Variants in TRPC5 observed in about 807,000 individuals in gnomAD.
TRPC5 encodes short transient receptor potential channel 5.
A neutral mutation model predicts 56.5 loss-of-function variants in TRPC5; 9 were observed. The observed-to-expected ratio is 0.16, with a 90% confidence interval of 0.10 to 0.28. TRPC5 has a LOEUF of 0.28. TRPC5 is among the 10% of genes least tolerant of loss of function. TRPC5 has a pLI of 1.00. For synonymous variants in TRPC5, 282 were observed against 278.5 expected (o/e 1.01, Z -0.13); for missense variants, 469 against 748.9 (o/e 0.63, Z 4.36).
intron 1 of TRPC5, among the ~76,000 whole-genome samples, chrX:112,001,450 AT>A (rs1928692715): frequency 8.9e-6 from 1 of 112,152 alleles, no homozygotes; most frequent in Non-Finnish European, 1.9e-5. Context: ...AAAACATGTT[AT>A]CTATTATTGA....
chrX:111,827,391 C>G (rs747270761), intron 7 of TRPC5, among the ~76,000 whole-genome samples: 6 of 111,182 alleles, frequency 5.4e-5, no homozygotes, highest in Non-Finnish European at 1.1e-4. Flanking sequence ...GTAGACCACC[C>G]AATGCCTCTA....
At position 111,768,855 on chromosome X, in the gene TRPC5, C is replaced by T. The variant is rs1225908303; in HGVS notation, c.*7458G>A. Among the ~76,000 whole-genome samples, 1 of 111,536 alleles carries T rather than the reference C, an allele frequency of 9.0e-6. No individual in the cohort carries two copies. ...GAATTCTGGCTGCTTCTCCTGCCCA[C>T]GTACACTAAGCACAGTTATCACTGA... is the stretch of plus-strand genomic sequence containing the variant. On this transcript the variant is annotated 3_prime_UTR_variant, in exon 11 of 11. Coordinates refer to ENST00000262839, the MANE Select transcript of TRPC5 (RefSeq NM_012471.3).
At chrX:111,998,778 G>C (rs902933947) in intron 1 of TRPC5, among the ~76,000 whole-genome samples, 3 of 111,538 alleles carry the variant, frequency 2.7e-5, no homozygotes, top group Admixed American at 1.9e-4. Context: ...TGGTACATGT[G>C]AACATACTGG....
At chrX:111,872,889 G>A (rs954057619) in intron 3 of TRPC5, among the ~76,000 whole-genome samples, 4 of 112,238 alleles carry the variant, frequency 3.6e-5, no homozygotes, top group Admixed American at 9.4e-5. Flanking sequence ...GGAGAGAAGT[G>A]AAGACACACA....
rs747139666 is a variant in TRPC5, at chrX:112,029,905, G to A, written c.-22+51974C>T. ...TGCAATGGCGCGATCTCGACTCACCGCAACCTCTGCCTCCCGGGTTCAAGC... is the reference window on the plus strand; with the variant it reads ...TGCAATGGCGCGATCTCGACTCACCACAACCTCTGCCTCCCGGGTTCAAGC... On this transcript the variant is annotated intron_variant, in intron 1 of 10. Transcript: ENST00000262839. Among the ~76,000 whole-genome samples the A allele has an allele frequency of 7.8e-3, 832 of 106,345 alleles. 5 individuals are homozygous for A. Among genetic ancestry groups the A allele is most frequent in the African/African-American group, 0.026 (767 of 28,974 alleles). The allele number at this position is 106,345 out of a possible 115,157, so 92.3% of individuals were successfully genotyped here.
At chrX:111,777,087 A>G in intron 10 of TRPC5, 85 bp from the exon 11 acceptor site, 3 of 794,583 alleles carry the variant, frequency 3.8e-6, no homozygotes, top group Non-Finnish European at 3.4e-6. Flanking sequence ...GGTATGTTCC[A>G]GGTTTTTGCC....
chrX:111,813,358 T>C (rs1351674431), intron 7 of TRPC5, among the ~76,000 whole-genome samples: 1 of 112,363 alleles, frequency 8.9e-6, no homozygotes, highest in Non-Finnish European at 1.9e-5. Context: ...TTGTTTTAGC[T>C]CCTTTCACAG....
intron 7 of TRPC5, among the ~76,000 whole-genome samples, chrX:111,813,403 C>T (rs892898978): frequency 8.9e-6 from 1 of 112,086 alleles, no homozygotes; most frequent in Admixed American, 9.5e-5. Flanking sequence ...AGAGCACACC[C>T]TCAAATGTTG....
chrX:111,839,241 G>C (rs1196319479), intron 6 of TRPC5, among the ~76,000 whole-genome samples: 3 of 111,331 alleles, frequency 2.7e-5, no homozygotes, highest in African/African-American at 9.8e-5. Flanking sequence ...CTCAGTTGAA[G>C]CCCCACCTCC....
chrX:111,965,253 C>A (rs1927527307), intron 1 of TRPC5, among the ~76,000 whole-genome samples: 1 of 111,834 alleles, frequency 8.9e-6, no homozygotes, highest in African/African-American at 3.3e-5. Flanking sequence ...GTAAAGAGAT[C>A]AATTCAACAA....
chrX:112,032,108 TAA>T (rs1368778351), intron 1 of TRPC5, among the ~76,000 whole-genome samples: 2 of 110,641 alleles, frequency 1.8e-5, no homozygotes, highest in African/African-American at 6.6e-5. Context: ...ATTTCTCCAA[TAA>T]AGACATACAG....
At position 111,851,510 on chromosome X, in the gene TRPC5, GGTGTGTGT is replaced by G. The variant is rs563243659; in HGVS notation, c.1377+780_1377+787del. Among the ~76,000 whole-genome samples, 19 of 99,073 alleles carry G rather than the reference GGTGTGTGT, an allele frequency of 1.9e-4. 1 individual carries two copies. The highest frequency in any genetic ancestry group is 1.9e-4 in the African/African-American group (5 of 26,725). 86.0% of individuals were successfully genotyped at this position (99,073 alleles called of 115,157 possible). On this transcript the variant is annotated intron_variant, in intron 5 of 10. Transcript: ENST00000262839. ...TGTTGTGTGGGAAAAGTATTAAGGT[GGTGTGTGT>G]GTGTGTGTGTGTGTGTGTGTGTGTG...
intron 6 of TRPC5, among the ~76,000 whole-genome samples, chrX:111,836,240 C>T (rs780033848): frequency 8.9e-6 from 1 of 112,156 alleles, no homozygotes; most frequent in South Asian, 3.8e-4. Context: ...AATCTGAATA[C>T]AGCAATAAAA....
At chrX:111,987,448 A>G (rs2148654684) in intron 1 of TRPC5, among the ~76,000 whole-genome samples, 1 of 111,182 alleles carries the variant, frequency 9.0e-6, no homozygotes, top group African/African-American at 3.3e-5. Flanking sequence ...ACCCCATGCT[A>G]CACATTAGAT....
rs756804319 is a variant in TRPC5 at position 111,847,871 on chromosome X, T to C, written c.1378-435A>G. Reference sequence around the variant, plus strand: ...GTACTTCCTCAATCCCTCACTGGGCTCTGAGCACCATGGACAACGTGCTGT... The same window carrying C: ...GTACTTCCTCAATCCCTCACTGGGCCCTGAGCACCATGGACAACGTGCTGT... On this transcript the variant is annotated intron_variant, in intron 5 of 10. Coordinates refer to ENST00000262839, the MANE Select transcript of TRPC5 (RefSeq NM_012471.3). 9.9e-5 allele frequency among the ~76,000 whole-genome samples: 11 copies of C among 110,807 alleles called. No individual in the cohort carries two copies. The South Asian group carries it at 4.0e-3, about 41-fold the overall frequency.
chrX:111,799,222 G>A (rs1445366111), intron 7 of TRPC5, among the ~76,000 whole-genome samples: 2 of 110,918 alleles, frequency 1.8e-5, no homozygotes, highest in African/African-American at 6.6e-5. Flanking sequence ...TAACCCCTCA[G>A]CCCTGAAGGA....
At chrX:112,033,636 TTA>T (rs1426406866) in intron 1 of TRPC5, among the ~76,000 whole-genome samples, 1 of 111,377 alleles carries the variant, frequency 9.0e-6, no homozygotes, top group Non-Finnish European at 1.9e-5. Context: ...GATTTTACCC[TTA>T]TGTTTTCTTG....
intron 1 of TRPC5, among the ~76,000 whole-genome samples, chrX:112,017,267 C>T (rs1232552929): frequency 9.0e-6 from 1 of 111,245 alleles, no homozygotes; most frequent in African/African-American, 3.3e-5. Context: ...CCCGCCTTGG[C>T]CTTCCAAAGT....
chrX:111,795,655 T>C (rs753480412), intron 7 of TRPC5, among the ~76,000 whole-genome samples: 1 of 111,917 alleles, frequency 8.9e-6, no homozygotes, highest in East Asian at 2.8e-4. Flanking sequence ...AGGTTCTTTG[T>C]TTGTCTTTCA....
Sources: allele counts gnomAD v4.1 joint callset (sites outside exome capture counted in the v4.1 genomes callset), GRCh38; gene constraint gnomAD v4.1.1; transcripts MANE v1.5; gene names NCBI Gene and HGNC (gene_info 2026-07-23, HGNC 2026-07-21).